The following KDM4C variants were observed in gnomAD, a reference collection of about 807,000 sequenced individuals.
KDM4C encodes the protein lysine demethylase 4C.
A neutral mutation model predicts 129.3 loss-of-function variants in KDM4C; 81 were observed. The ratio of observed to expected loss-of-function variants is 0.63; its 90% CI spans 0.52 to 0.75. The LOEUF is 0.75. Among genes scored for constraint, KDM4C ranks in the 30% least tolerant of loss-of-function variants. The probability of loss-of-function intolerance (pLI) is 0.00; values close to 1 mark genes in which losing one functional copy is unlikely to be tolerated. For synonymous variants in KDM4C, 573 were observed against 456.1 expected (o/e 1.26, Z -3.26); for missense variants, 1,457 against 1,304.0 (o/e 1.12, Z -1.81).
chr9:6,740,262 G>A (rs1272896314), intron 1 of KDM4C, among the ~76,000 whole-genome samples: 1 of 151,754 alleles, frequency 6.6e-6, no homozygotes, highest in Non-Finnish European at 1.5e-5. Flanking sequence ...GGAGTGCAGT[G>A]ATGCAATCTC....
intron 15 of KDM4C, among the ~76,000 whole-genome samples, chr9:7,029,123 G>A (rs1161434335): frequency 6.6e-6 from 1 of 152,052 alleles, no homozygotes; most frequent in South Asian, 2.1e-4. Context: ...ATCTTGTTCT[G>A]CCCTGTCTCC....
intron 8 of KDM4C, among the ~76,000 whole-genome samples, chr9:6,955,837 TG>T (rs1178187769): frequency 4.6e-5 from 7 of 152,342 alleles, no homozygotes; most frequent in Admixed American, 6.5e-5. Flanking sequence ...TAACCGCAGA[TG>T]GAACACAGTG....
intron 3 of KDM4C, among the ~76,000 whole-genome samples, chr9:6,812,894 G>C (rs1831417227): frequency 6.6e-6 from 1 of 152,198 alleles, no homozygotes; most frequent in Non-Finnish European, 1.5e-5. Context: ...ACATTTTTAA[G>C]GCTGGGTGCG....
intron 15 of KDM4C, among the ~76,000 whole-genome samples, chr9:7,027,346 G>A (rs888046720): frequency 6.6e-6 from 1 of 152,198 alleles, no homozygotes; most frequent in African/African-American, 2.4e-5. Flanking sequence ...CAGAGGTACT[G>A]TCTTCATGTT....
intron 18 of KDM4C, among the ~76,000 whole-genome samples, chr9:7,123,200 T>C (rs1484611877): frequency 2.0e-5 from 3 of 152,312 alleles, no homozygotes; most frequent in Admixed American, 2.0e-4. Flanking sequence ...TCTGCATAAA[T>C]TTCATATCCT....
chr9:6,809,706 T>G (rs943820594), intron 3 of KDM4C, among the ~76,000 whole-genome samples: 4 of 152,188 alleles, frequency 2.6e-5, no homozygotes, highest in Non-Finnish European at 5.9e-5. Context: ...TTATTTAAAA[T>G]TTCAAAAATA....
intron 8 of KDM4C, among the ~76,000 whole-genome samples, chr9:6,955,146 G>T (rs1828845871): frequency 6.6e-6 from 1 of 152,208 alleles, no homozygotes; most frequent in South Asian, 2.1e-4. Context: ...TGGGCTTCCA[G>T]ACTAGAGCCA....
intron 4 of KDM4C, among the ~76,000 whole-genome samples, chr9:6,849,246 C>T (rs17594512): frequency 0.073 from 11,136 of 152,220 alleles, 590 homozygotes; most frequent in Non-Finnish European, 0.11. Context: ...CTTTCATTTC[C>T]ATTTGGCATC....
intron 8 of KDM4C, among the ~76,000 whole-genome samples, chr9:6,897,499 C>A (rs1816657493): frequency 6.6e-6 from 1 of 152,138 alleles, no homozygotes; most frequent in African/African-American, 2.4e-5. Flanking sequence ...AACAACTGAC[C>A]TAAGAAGGCA....
intron 18 of KDM4C, among the ~76,000 whole-genome samples, chr9:7,106,091 G>C (rs1365442264): frequency 6.6e-6 from 1 of 152,124 alleles, no homozygotes; most frequent in East Asian, 1.9e-4. Context: ...TATATTTCTA[G>C]TAGCTGTTAC....
At chr9:7,039,239 G>C (rs1828154564) in intron 15 of KDM4C, among the ~76,000 whole-genome samples, 1 of 151,900 alleles carries the variant, frequency 6.6e-6, no homozygotes, top group Non-Finnish European at 1.5e-5. Context: ...CATTCAGTTG[G>C]ATCTGGACAT....
chr9:6,997,579 A>G (rs1335915381), intron 12 of KDM4C, among the ~76,000 whole-genome samples: 2 of 152,232 alleles, frequency 1.3e-5, no homozygotes, highest in African/African-American at 2.4e-5. Flanking sequence ...GGCATCTGGC[A>G]CAAGCAGTTG....
rs549413177 is a variant in KDM4C, at chr9:7,041,525, C to A, written c.2260-5337C>A. 9.6e-5 allele frequency among the ~76,000 whole-genome samples: 14 copies of A among 145,710 alleles called. No individual in the cohort carries two copies. In the East Asian group the frequency reaches 2.8e-3, roughly 29 times the overall value. On this transcript the variant is annotated intron_variant, in intron 15 of 21. Coordinates refer to ENST00000381309, the MANE Select transcript of KDM4C (RefSeq NM_015061.6). ...AATGAAATCAACATTTTGTTTTTTC[C>A]TATCTTGATCATAAATGATTTTTTT...
chr9:6,996,681 C>T (rs761003307), intron 12 of KDM4C, among the ~76,000 whole-genome samples: 6 of 152,350 alleles, frequency 3.9e-5, no homozygotes, highest in East Asian at 1.9e-4. Context: ...CAGCGATTCC[C>T]ACCATGTGCT....
chr9:7,048,831 A>G (rs943216493), intron 16 of KDM4C, among the ~76,000 whole-genome samples: 1 of 152,118 alleles, frequency 6.6e-6, no homozygotes, highest in Non-Finnish European at 1.5e-5. Context: ...TCAAGTGTAG[A>G]AAAATATGTG....
intron 1 of KDM4C, among the ~76,000 whole-genome samples, chr9:6,779,944 A>T (rs1001496020): frequency 2.0e-5 from 3 of 152,194 alleles, no homozygotes; most frequent in African/African-American, 7.2e-5. Flanking sequence ...TTCATTTTGT[A>T]GCACTGAATG....
chr9:6,886,565 C>T (rs758722531), intron 6 of KDM4C, among the ~76,000 whole-genome samples: 14 of 148,388 alleles, frequency 9.4e-5, no homozygotes, highest in Admixed American at 3.4e-4. Context: ...GATCTTGGCT[C>T]ACTGCAACCT....
At chr9:7,066,312 G>A (rs138020300) in intron 17 of KDM4C, among the ~76,000 whole-genome samples, 2 of 152,156 alleles carry the variant, frequency 1.3e-5, no homozygotes, top group East Asian at 3.9e-4. Context: ...TCTCCACCCC[G>A]CAAAGGATTT....
Position 7,015,868 on chromosome 9 carries a change from C to G in KDM4C, c.2198C>G (p.Pro733Arg). The change falls in exon 15 of 22, where the codon CCT becomes CGT. Residue 733 changes from proline (P) to arginine (R), a missense_variant. By Grantham distance (103) the Pro-to-Arg change is moderately radical. Coordinates refer to ENST00000381309, the MANE Select transcript of KDM4C (RefSeq NM_015061.6). Reference protein sequence around the residue: ...VRVHASCYGIPSHEICDGWLC... With the variant: ...VRVHASCYGIRSHEICDGWLC... The stretch of plus-strand genomic sequence containing the variant: ...TATTTTATAGGTTGTTATGGTATTC[C>G]TTCTCATGAGATCTGTGATGGATGG... 2.5e-6 allele frequency: 4 copies of G among 1,611,676 alleles called. No homozygotes were observed. Among genetic ancestry groups the G allele is most frequent in the South Asian group, 1.1e-5 (1 of 90,930 alleles).
Sources: gnomAD v4.1 joint callset for allele counts (sites outside exome capture counted in the v4.1 genomes callset) on GRCh38, gnomAD v4.1.1 for gene constraint, MANE v1.5 for transcripts, NCBI Gene and HGNC (gene_info 2026-07-23, HGNC 2026-07-21) for gene names.